ANKH: variants seen among roughly 807,000 people sequenced by gnomAD.
ANKH encodes the protein mineralization regulator ANKH.
In ANKH, 15 loss-of-function variants were observed where a neutral mutation model predicts 49.0. The observed-to-expected ratio is 0.31, with a 90% CI of 0.20 to 0.47. ANKH has a LOEUF of 0.47. ANKH is among the 20% of genes least tolerant of loss of function. The pLI is 1.00. For synonymous variants in ANKH, 273 were observed against 260.0 expected, an observed-to-expected ratio of 1.05 and a Z score of -0.48; for missense variants, 429 against 652.0, an observed-to-expected ratio of 0.66 and a Z score of 3.72.
intron 1 of ANKH, among the ~76,000 whole-genome samples, chr5:14,789,324 TACAAAGTCTG>T (rs1740083532): frequency 6.6e-6 from 1 of 152,222 alleles, no homozygotes; most frequent in Non-Finnish European, 1.5e-5. Context: ...AGAATCGTTT[TACAAAGTCTG>T]ACTTTTGAGC....
chr5:14,821,367 A>G (rs145591949), intron 1 of ANKH, among the ~76,000 whole-genome samples: 2 of 152,336 alleles, frequency 1.3e-5, no homozygotes, highest in Non-Finnish European at 2.9e-5. Context: ...AAGACATAGT[A>G]TGTTATCATC....
intron 1 of ANKH, among the ~76,000 whole-genome samples, chr5:14,850,146 C>A (rs992388368): frequency 9.9e-5 from 15 of 152,176 alleles, no homozygotes; most frequent in Non-Finnish European, 1.9e-4. Flanking sequence ...TGACGAGGAA[C>A]CCGCATATCA....
intron 1 of ANKH, chr5:14,826,035 G>A (rs908584870): frequency 2.6e-5 from 4 of 154,166 alleles, no homozygotes; most frequent in African/African-American, 9.6e-5. Context: ...TTTCCAGGAC[G>A]AACTAAACAG....
At chr5:14,772,934 C>T (rs987335286) in intron 1 of ANKH, among the ~76,000 whole-genome samples, 2 of 152,246 alleles carry the variant, frequency 1.3e-5, no homozygotes, top group African/African-American at 4.8e-5. Flanking sequence ...TGATTTTATA[C>T]ACTGGGGTGT....
At chr5:14,748,667 G>A (rs1738615797) in intron 6 of ANKH, among the ~76,000 whole-genome samples, 1 of 152,254 alleles carries the variant, frequency 6.6e-6, no homozygotes, top group South Asian at 2.1e-4. Context: ...GACGGGTCAG[G>A]TGGCACATGC....
intron 1 of ANKH, among the ~76,000 whole-genome samples, chr5:14,774,757 AT>A (rs1305789200): frequency 1.3e-5 from 2 of 152,108 alleles, no homozygotes; most frequent in Admixed American, 1.3e-4. Flanking sequence ...CCCTACCTGA[AT>A]GTAAGCTCCA....
intron 1 of ANKH, among the ~76,000 whole-genome samples, chr5:14,772,593 A>G (rs755347554): frequency 5.3e-5 from 8 of 152,210 alleles, no homozygotes; most frequent in Non-Finnish European, 1.0e-4. Context: ...ACACCCTAAA[A>G]CAAAATAAAA....
chr5:14,834,198 T>G (rs759461020), intron 1 of ANKH, among the ~76,000 whole-genome samples: 1 of 151,644 alleles, frequency 6.6e-6, no homozygotes, highest in Non-Finnish European at 1.5e-5. Context: ...CTCTGCTGTC[T>G]GACCCTAGAC....
intron 1 of ANKH, among the ~76,000 whole-genome samples, chr5:14,816,799 G>A (rs36119939): frequency 0.02 from 3,106 of 152,150 alleles, 52 homozygotes; most frequent in South Asian, 0.038. Context: ...TGCAAGCCAC[G>A]AGCTTTGGCC....
rs1737114179 is a variant in ANKH at position 14,710,236 on chromosome 5, C to T, written c.*961G>A. 1 of 151,938 alleles carries T rather than the reference C, an allele frequency of 6.6e-6. No individual in the cohort carries two copies. Among genetic ancestry groups the T allele is most frequent in the Non-Finnish European group, 1.5e-5 (1 of 67,964 alleles). The allele number at this position is 151,938 out of a possible 1,614,324, so 9.4% of individuals were successfully genotyped here. On this transcript the variant is annotated 3_prime_UTR_variant, in exon 12 of 12. Coordinates refer to ENST00000284268, the MANE Select transcript of ANKH (RefSeq NM_054027.6). ...CAAAAGTTACCCTACAGCAACCTGGCATTAGAATGCTGGATGAGACTTAAA... is the reference window on the plus strand; with the variant it reads ...CAAAAGTTACCCTACAGCAACCTGGTATTAGAATGCTGGATGAGACTTAAA...
intron 4 of ANKH, among the ~76,000 whole-genome samples, chr5:14,752,105 C>T (rs1047065115): frequency 2.6e-5 from 4 of 152,114 alleles, no homozygotes; most frequent in African/African-American, 9.7e-5. Context: ...ACCAGCAGTT[C>T]CAGACCAACC....
rs544582199 is a variant in ANKH at position 14,871,337 on chromosome 5, G to C, written c.96+15C>G. On this transcript the variant is annotated intron_variant, in intron 1 of 11. Coordinates refer to ENST00000284268, the MANE Select transcript of ANKH (RefSeq NM_054027.6). ...GGCAGGGCGAGCGGGCGTGGGGCGCGGGGCCGGGGCTTACCTGCTCCCCGA... is the reference window on the plus strand; with the variant it reads ...GGCAGGGCGAGCGGGCGTGGGGCGCCGGGCCGGGGCTTACCTGCTCCCCGA... 2 of 1,608,324 alleles carry C rather than the reference G, an allele frequency of 1.2e-6. No individual in the cohort carries two copies. The highest frequency in any genetic ancestry group is 1.3e-5 in the African/African-American group (1 of 74,872).
At position 14,704,936 on chromosome 5, in the gene ANKH, A is replaced by G. The variant is rs553999896; in HGVS notation, c.*6261T>C. 6.6e-6 allele frequency: 1 copy of G among 152,348 alleles called. No homozygotes were observed. Among genetic ancestry groups the G allele is most frequent in the Non-Finnish European group, 1.5e-5 (1 of 68,026 alleles). 9.4% of individuals were successfully genotyped at this position (152,348 alleles called of 1,614,324 possible). On this transcript the variant is annotated 3_prime_UTR_variant, in exon 12 of 12. Coordinates refer to ENST00000284268, the MANE Select transcript of ANKH (RefSeq NM_054027.6). The stretch of plus-strand genomic sequence containing the variant: ...TGCTCTTACCAATGCAAAAACTTCC[A>G]TCTGTTAGATACATAAAGAGCACTT...
At chr5:14,765,411 C>T (rs1004339057) in intron 2 of ANKH, among the ~76,000 whole-genome samples, 1 of 152,146 alleles carries the variant, frequency 6.6e-6, no homozygotes, top group African/African-American at 2.4e-5. Flanking sequence ...TGGCTCATTG[C>T]ACAAGGTTTG....
intron 1 of ANKH, among the ~76,000 whole-genome samples, chr5:14,835,278 G>C (rs1377253139): frequency 2.0e-5 from 3 of 152,190 alleles, no homozygotes; most frequent in African/African-American, 7.2e-5. Flanking sequence ...TGCTCAGCGA[G>C]ATGACTGCTG....
chr5:14,797,373 T>C, intron 1 of ANKH: 1 of 1,610,588 alleles, frequency 6.2e-7, no homozygotes, highest in Non-Finnish European at 8.5e-7. Context: ...ATCCTAGACA[T>C]TCGGTCTGTG....
chr5:14,776,494 A>C (rs760106951), intron 1 of ANKH, among the ~76,000 whole-genome samples: 2 of 152,190 alleles, frequency 1.3e-5, no homozygotes, highest in Non-Finnish European at 2.9e-5. Flanking sequence ...CCCACAGCAC[A>C]CTAGGAGTAA....
rs372168976 is a variant in ANKH, at chr5:14,745,986, G to C, written c.823-24C>G. 1.4e-5 allele frequency: 23 copies of C among 1,599,004 alleles called. No homozygotes were observed. Among genetic ancestry groups the C allele is most frequent in the Non-Finnish European group, 1.9e-5 (22 of 1,166,844 alleles). ...GCCTGCAACAGGAAGAGGTGGCAGA[G>C]TTAGCAGGGTACCAGCAGGAAGTCC... On this transcript the variant is annotated intron_variant, in intron 6 of 11. Coordinates refer to ENST00000284268, the MANE Select transcript of ANKH (RefSeq NM_054027.6). This position sits in a 1 kb window ranked among gnomAD's most constrained non-coding sequence, Gnocchi z 4.7.
chr5:14,842,139 G>A lies in ANKH; in HGVS notation c.96+29213C>T, dbSNP rs138232328. Among the ~76,000 whole-genome samples the A allele has an allele frequency of 3.9e-3, 599 of 152,316 alleles. 4 individuals are homozygous for A. The highest frequency in any genetic ancestry group is 0.013 in the African/African-American group (544 of 41,552). ...ATATATAGGAGGCTATTTCCTGGGAGGAAATTTATACCACCATTTCAGCCT... is the reference window on the plus strand; with the variant it reads ...ATATATAGGAGGCTATTTCCTGGGAAGAAATTTATACCACCATTTCAGCCT... On this transcript the variant is annotated intron_variant, in intron 1 of 11. Coordinates refer to ENST00000284268, the MANE Select transcript of ANKH (RefSeq NM_054027.6).
Sources: gnomAD v4.1 joint callset for allele counts (sites outside exome capture counted in the v4.1 genomes callset) on GRCh38, gnomAD v4.1.1 for gene constraint, Gnocchi (gnomAD v3.1) non-coding constraint, MANE v1.5 for transcripts, NCBI Gene and HGNC (gene_info 2026-07-23, HGNC 2026-07-21) for gene names.